The following ESRRG variants were observed in gnomAD, a reference collection of about 807,000 sequenced individuals.
The protein encoded by ESRRG is estrogen related receptor gamma, also known as estrogen-related receptor gamma.
A neutral mutation model predicts 44.0 loss-of-function variants in ESRRG; 13 were observed. The ratio of observed to expected loss-of-function variants is 0.30; its 90% CI spans 0.19 to 0.47. The LOEUF (loss-of-function observed/expected upper bound fraction) is 0.47, where lower values mean the gene tolerates loss of function less well. Among genes scored for constraint, ESRRG ranks in the 20% least tolerant of loss-of-function variants. The pLI is 1.00. For missense variants in ESRRG, 395 were observed against 580.6 expected (o/e 0.68, Z 3.29); for synonymous variants, 215 against 214.6 (o/e 1.00, Z -0.02).
chr1:216,821,814 A>AC (rs1342646478), intron 2 of ESRRG, among the ~76,000 whole-genome samples: 1 of 151,622 alleles, frequency 6.6e-6, no homozygotes, highest in Non-Finnish European at 1.5e-5. Flanking sequence ...ATTCAACCTA[A>AC]TGCCTATCTC....
At chr1:216,932,165 C>G (rs1411726950) in intron 2 of ESRRG, among the ~76,000 whole-genome samples, 1 of 152,162 alleles carries the variant, frequency 6.6e-6, no homozygotes, top group Admixed American at 6.5e-5. Context: ...GATTGTACCA[C>G]TGCATTCCAG....
intron 5 of ESRRG, among the ~76,000 whole-genome samples, chr1:216,546,125 G>C (rs914549494): frequency 6.6e-6 from 1 of 152,024 alleles, no homozygotes; most frequent in Non-Finnish European, 1.5e-5. Flanking sequence ...GGATTGTCCT[G>C]TGCGAGGTAG....
chr1:216,885,234 C>T (rs2096498028), intron 2 of ESRRG, among the ~76,000 whole-genome samples: 1 of 151,092 alleles, frequency 6.6e-6, no homozygotes, highest in East Asian at 1.9e-4. Flanking sequence ...TTCATTTAAT[C>T]ATATATAAAA....
rs11572620 is a variant in ESRRG at position 216,777,680 on chromosome 1, A to G, written c.-13-100189T>C. On this transcript the variant is annotated intron_variant, in intron 2 of 7. Transcript: ENST00000359162. Reference sequence around the variant, plus strand: ...TGGGCATCTTGTCTTTTTCATTTCTATGGTCCCAACATCTAACACAATGTA... The same window carrying G: ...TGGGCATCTTGTCTTTTTCATTTCTGTGGTCCCAACATCTAACACAATGTA... Among the ~76,000 whole-genome samples, 355 of 152,158 alleles carry G rather than the reference A, an allele frequency of 2.3e-3. 2 individuals are homozygous for G. Among genetic ancestry groups the G allele is most frequent in the African/African-American group, 7.8e-3 (324 of 41,550 alleles).
intron 3 of ESRRG, among the ~76,000 whole-genome samples, chr1:216,571,906 T>A (rs1358622507): frequency 6.6e-6 from 1 of 152,170 alleles, no homozygotes; most frequent in Non-Finnish European, 1.5e-5. Flanking sequence ...ACATGCAATA[T>A]TATACTCATC....
intron 2 of ESRRG, among the ~76,000 whole-genome samples, chr1:216,820,906 A>G (rs2095271243): frequency 6.6e-6 from 1 of 152,126 alleles, no homozygotes; most frequent in Non-Finnish European, 1.5e-5. Context: ...TCTCTTGTCT[A>G]CTTATCCTCT....
chr1:216,601,361 A>C (rs978005010), intron 3 of ESRRG, among the ~76,000 whole-genome samples: 4 of 152,136 alleles, frequency 2.6e-5, no homozygotes, highest in African/African-American at 9.6e-5. Context: ...GCCGGGCTTC[A>C]AACAGAAACC....
intron 2 of ESRRG, among the ~76,000 whole-genome samples, chr1:216,789,504 C>T (rs1263117495): frequency 1.3e-5 from 2 of 152,084 alleles, no homozygotes; most frequent in Non-Finnish European, 1.5e-5. Flanking sequence ...CATTTTTGAC[C>T]AGTCTATGTA....
intron 2 of ESRRG, among the ~76,000 whole-genome samples, chr1:216,937,637 G>A (rs1438502691): frequency 1.3e-5 from 2 of 152,114 alleles, no homozygotes; most frequent in Non-Finnish European, 1.5e-5. Flanking sequence ...CAAAAATGGA[G>A]GGGAGGAAGG....
intron 3 of ESRRG, among the ~76,000 whole-genome samples, chr1:216,570,383 T>C (rs959744626): frequency 1.3e-5 from 2 of 152,198 alleles, no homozygotes; most frequent in African/African-American, 4.8e-5. Flanking sequence ...ATGTATTCCT[T>C]TGTTTATCTA....
chr1:216,934,385 G>GATCAC (rs1427758669), intron 2 of ESRRG, among the ~76,000 whole-genome samples: 4 of 152,142 alleles, frequency 2.6e-5, no homozygotes, highest in Non-Finnish European at 4.4e-5. Context: ...AGTGAGCCAA[G>GATCAC]ATCACTCCAC....
At chr1:216,710,213 T>C (rs1197200687) in intron 1 of ESRRG, among the ~76,000 whole-genome samples, 1 of 152,182 alleles carries the variant, frequency 6.6e-6, no homozygotes, top group South Asian at 2.1e-4. Flanking sequence ...GTGTTAATCC[T>C]GTTTTATGTT....
In ESRRG at chr1:216,864,158, A is replaced by G. The variant is rs992261167; in HGVS notation, c.-14+75424T>C. The G allele has an allele frequency of 5.3e-5, 8 of 152,064 alleles. 1 individual carries two copies. Among genetic ancestry groups the G allele is most frequent in the African/African-American group, 1.9e-4 (8 of 41,386 alleles). The allele number at this position is 152,064 out of a possible 1,614,324, so 9.4% of individuals were successfully genotyped here. A position where few individuals can be genotyped will look rare whatever the true frequency, so the allele number is the denominator to read the frequency against. ...CATACAAACATTTGGGGGGTTGTTA[A>G]TGACTTCCCTAAGGATAGTAATTTC... On this transcript the variant is annotated intron_variant, in intron 2 of 7. Coordinates refer to the ESRRG transcript ENST00000359162.
rs183340908 is a variant in ESRRG at position 217,127,091 on chromosome 1, T to A, written c.-230+10576A>T. Among the ~76,000 whole-genome samples the A allele has an allele frequency of 6.6e-5, 10 of 152,356 alleles. No individual in the cohort carries two copies. In the East Asian group the frequency reaches 1.9e-3, roughly 29 times the overall value. On this transcript the variant is annotated intron_variant, in intron 1 of 8. Transcript: ENST00000366940. ...GTCAACTATACTCACGGTATATTGA[T>A]TTATATCCATTTGCTTTTTGTGTTG...
intron 1 of ESRRG, among the ~76,000 whole-genome samples, chr1:217,034,874 C>T (rs79661226): frequency 2.4e-4 from 37 of 152,160 alleles, no homozygotes; most frequent in African/African-American, 6.7e-4. Flanking sequence ...AATATTACAC[C>T]GTAAATTAGA....
chr1:216,560,432 T>C (rs1290372945), intron 5 of ESRRG, among the ~76,000 whole-genome samples: 2 of 152,226 alleles, frequency 1.3e-5, no homozygotes, highest in Non-Finnish European at 2.9e-5. Flanking sequence ...AATACCATTC[T>C]GTTATTTTAA....
intron 1 of ESRRG, among the ~76,000 whole-genome samples, chr1:217,112,082 A>G (rs971242724): frequency 2.0e-5 from 3 of 152,132 alleles, no homozygotes; most frequent in Non-Finnish European, 4.4e-5. Flanking sequence ...CATACAACCC[A>G]TTCAAGTCTT....
chr1:216,895,052 G>C (rs1577802906), intron 2 of ESRRG, among the ~76,000 whole-genome samples: 1 of 152,114 alleles, frequency 6.6e-6, no homozygotes, highest in Non-Finnish European at 1.5e-5. Flanking sequence ...CTGGGGGGCG[G>C]ATAAACCCTT....
chr1:216,809,883 C>A (rs553443424), intron 2 of ESRRG, among the ~76,000 whole-genome samples: 1 of 152,248 alleles, frequency 6.6e-6, no homozygotes, highest in South Asian at 2.1e-4. Context: ...GCCTCTACCA[C>A]CTTGCACAGA....
Sources: allele counts gnomAD v4.1 joint callset (sites outside exome capture counted in the v4.1 genomes callset), GRCh38; gene constraint gnomAD v4.1.1; transcripts MANE v1.5; gene names NCBI Gene and HGNC (gene_info 2026-07-23, HGNC 2026-07-21).